Variants in CCDC102B observed in about 807,000 individuals in gnomAD.
The protein encoded by CCDC102B is coiled-coil domain containing 102B.
CCDC102B carries 75 observed loss-of-function variants against 57.4 expected under a neutral mutation model. That is an observed-to-expected ratio of 1.31 (90% confidence interval 1.08 to 1.58). The LOEUF is 1.58. CCDC102B is among the 40% of genes most tolerant of loss of function. The pLI, the probability that CCDC102B is intolerant of heterozygous loss-of-function variation, is 0.00. For synonymous variants in CCDC102B, 206 were observed against 201.9 expected (o/e 1.02, Z -0.17); for missense variants, 636 against 582.6 (o/e 1.09, Z -0.94).
At chr18:68,974,341 C>T (rs559002682) in intron 6 of CCDC102B, among the ~76,000 whole-genome samples, 6 of 152,182 alleles carry the variant, frequency 3.9e-5, no homozygotes, top group South Asian at 2.1e-4. Flanking sequence ...CACACCCTAA[C>T]GTGCCAGTGC....
chr18:68,951,537 G>T (rs1022922464), intron 6 of CCDC102B, among the ~76,000 whole-genome samples: 1 of 152,028 alleles, frequency 6.6e-6, no homozygotes, highest in Non-Finnish European at 1.5e-5. Flanking sequence ...GCTGGGCATG[G>T]TGCCTCATGC....
At chr18:68,769,523 G>C (rs577361774) in intron 2 of CCDC102B, among the ~76,000 whole-genome samples, 9 of 152,042 alleles carry the variant, frequency 5.9e-5, no homozygotes, top group African/African-American at 1.9e-4. Context: ...CAACCCTACG[G>C]TTCCTCCTGG....
chr18:69,055,260 A>T (rs1344763241), downstream of CCDC102B: 1 of 635,284 alleles, frequency 1.6e-6, no homozygotes, highest in Non-Finnish European at 2.0e-6. Flanking sequence ...AACATGGGGG[A>T]TTGTATGACT....
chr18:68,811,516 G>A (rs1354914229), intron 1 of CCDC102B, among the ~76,000 whole-genome samples: 1 of 152,188 alleles, frequency 6.6e-6, no homozygotes, highest in Non-Finnish European at 1.5e-5. Flanking sequence ...TCAGAAGGCT[G>A]AGGCAGGAGA....
chr18:68,952,100 C>G (rs905759896), intron 6 of CCDC102B, among the ~76,000 whole-genome samples: 1 of 152,058 alleles, frequency 6.6e-6, no homozygotes, highest in African/African-American at 2.4e-5. Context: ...TGAATAAATG[C>G]AAATGCACCA....
intron 1 of CCDC102B, among the ~76,000 whole-genome samples, chr18:68,804,635 T>C (rs2035969804): frequency 6.6e-6 from 1 of 151,932 alleles, no homozygotes; most frequent in South Asian, 2.1e-4. Context: ...AAATGGACAA[T>C]CACATACAGG....
chr18:68,994,330 G>T lies in CCDC102B; in HGVS notation c.1264-16604G>T, dbSNP rs1014204851. Among the ~76,000 whole-genome samples the T allele has an allele frequency of 2.6e-5, 4 of 152,134 alleles. No individual in the cohort carries two copies. The South Asian group carries it at 8.3e-4, about 32-fold the overall frequency. On this transcript the variant is annotated intron_variant, in intron 6 of 7. Coordinates refer to ENST00000360242, the MANE Select transcript of CCDC102B (RefSeq NM_024781.3). ...ATTTGTAAATATTCATTGCATGTTG[G>T]TATATTCATTGTATGGTCTCTTGAA...
intron 6 of CCDC102B, among the ~76,000 whole-genome samples, chr18:68,912,335 A>C (rs2040905138): frequency 6.6e-6 from 1 of 152,254 alleles, no homozygotes; most frequent in South Asian, 2.1e-4. Context: ...ACATACATTA[A>C]AACATTCAAA....
At chr18:68,832,228 G>A (rs1254490392) in intron 1 of CCDC102B, among the ~76,000 whole-genome samples, 1 of 152,114 alleles carries the variant, frequency 6.6e-6, no homozygotes, top group African/African-American at 2.4e-5. Flanking sequence ...TTTAACTTCT[G>A]CCAAAAATGC....
chr18:69,017,794 C>A (rs927547222), intron 7 of CCDC102B, among the ~76,000 whole-genome samples: 7 of 152,150 alleles, frequency 4.6e-5, no homozygotes, highest in African/African-American at 1.7e-4. Flanking sequence ...TCTCTTCATT[C>A]CTTCCCTGCC....
intron 5 of CCDC102B, among the ~76,000 whole-genome samples, chr18:68,888,415 T>G (rs1242906412): frequency 6.6e-6 from 1 of 152,216 alleles, no homozygotes; most frequent in Non-Finnish European, 1.5e-5. Context: ...AATGGTATCC[T>G]TTGTTCTTCT....
chr18:68,799,211 TAGAA>T (rs776042260), intron 1 of CCDC102B, among the ~76,000 whole-genome samples: 2 of 152,114 alleles, frequency 1.3e-5, no homozygotes, highest in Non-Finnish European at 2.9e-5. Context: ...AGCAATAAAT[TAGAA>T]AGAAGATTTA....
At chr18:68,946,637 TA>T (rs1247490927) in intron 6 of CCDC102B, among the ~76,000 whole-genome samples, 18 of 152,184 alleles carry the variant, frequency 1.2e-4, no homozygotes, top group Admixed American at 1.1e-3. Flanking sequence ...AACCAGATAT[TA>T]CTGGTTATCC....
At chr18:68,911,474 C>T (rs531859962) in intron 6 of CCDC102B, among the ~76,000 whole-genome samples, 7 of 150,878 alleles carry the variant, frequency 4.6e-5, no homozygotes, top group East Asian at 2.1e-4. Context: ...CAGAAAAGGC[C>T]GGGCGCGGTG....
At chr18:68,998,991 TATATATATAGAGAG>T (rs71176927) in intron 6 of CCDC102B, among the ~76,000 whole-genome samples, 12,995 of 67,908 alleles carry the variant, frequency 0.19, 367 homozygotes, top group South Asian at 0.26. Flanking sequence ...TATATATATA[TATATATATAGAGAG>T]AGAGAGAGAG....
At chr18:68,912,498 T>C (rs930957936) in intron 6 of CCDC102B, among the ~76,000 whole-genome samples, 41 of 152,376 alleles carry the variant, frequency 2.7e-4, no homozygotes, top group Middle Eastern at 3.4e-3. Context: ...CCTGGAAATC[T>C]GTTTTAACAA....
At chr18:68,867,357 C>G (rs1364334108) in intron 4 of CCDC102B, among the ~76,000 whole-genome samples, 7 of 152,128 alleles carry the variant, frequency 4.6e-5, no homozygotes, top group African/African-American at 1.7e-4. Context: ...CTTGCCTACT[C>G]TGGGAATAGA....
chr18:68,817,239 T>C (rs1038080871), intron 1 of CCDC102B, among the ~76,000 whole-genome samples: 2 of 152,226 alleles, frequency 1.3e-5, no homozygotes, highest in Non-Finnish European at 2.9e-5. Flanking sequence ...TAAAATACAT[T>C]TGAATGCAGG....
chr18:68,790,560 G>A (rs151325372), intron 2 of CCDC102B, among the ~76,000 whole-genome samples: 6 of 152,356 alleles, frequency 3.9e-5, no homozygotes, highest in African/African-American at 1.2e-4. Context: ...CGTCGGAAAA[G>A]TGCAGTATTC....
Sources: gnomAD v4.1 joint callset for allele counts (sites outside exome capture counted in the v4.1 genomes callset) on GRCh38, gnomAD v4.1.1 for gene constraint, MANE v1.5 for transcripts, NCBI Gene and HGNC (gene_info 2026-07-23, HGNC 2026-07-21) for gene names.